Variants in WDR81 observed in about 807,000 individuals in gnomAD.
The protein encoded by WDR81 is WD repeat-containing protein 81.
In WDR81, 92 loss-of-function variants were observed where a neutral mutation model predicts 140.8. That is an observed-to-expected ratio of 0.65 (90% CI 0.55 to 0.78). The LOEUF is 0.78. Ranked by LOEUF, WDR81 falls within the 30% of genes least tolerant of loss-of-function variation. WDR81 has a pLI of 0.00. For synonymous variants in WDR81, 1,183 were observed against 1,156.4 expected (o/e 1.02, Z -0.47); for missense variants, 2,502 against 2,636.4 (o/e 0.95, Z 1.12).
Position 1,734,161 on chromosome 17 carries a change from C to T in WDR81, c.5124C>T (p.Ala1708=), listed in dbSNP as rs775357477. The T allele has an allele frequency of 1.9e-6, 3 of 1,598,232 alleles. No homozygotes were observed. The highest frequency in any genetic ancestry group is 1.7e-6 in the Non-Finnish European group (2 of 1,179,468). ...TCTTCTTCGTGGGCCAGCTTGAGGC[C>T]CCGCAGCACGTGGTGAGCTGTGACG... The part of the protein sequence containing the change: ...KSVFFVGQLE[A]PQHVVSCDGA... The change falls in exon 7 of 10, where the codon GCC becomes GCT. Residue 1708 remains alanine, a synonymous_variant. Transcript: ENST00000409644.
chr17:1,736,301 G>A (rs962365342), intron 9 of WDR81, 83 bp downstream of exon 9: 17 of 1,480,780 alleles, frequency 1.1e-5, no homozygotes, highest in African/African-American at 6.9e-5. Context: ...CTGCCTGCCC[G>A]GGTTCAGGCT....
At chr17:1,724,620 G>A (rs914889594), upstream of WDR81, 6 of 1,004,272 alleles carry the variant, frequency 6.0e-6, no homozygotes, top group Admixed American at 6.0e-5. Context: ...CGGGGAGGCC[G>A]CCGGGCAGGA....
rs1451844473 is a variant in WDR81 at position 1,726,029 on chromosome 17, T to A, written c.1070T>A (p.Ile357Asn). 1 of 1,544,572 alleles carries A rather than the reference T, an allele frequency of 6.5e-7. No homozygotes were observed. The highest frequency in any genetic ancestry group is 8.7e-7 in the Non-Finnish European group (1 of 1,142,996). ...GTGCTAGATTGGGTCCACGGCCGCA[T>A]CAGCAACTTCCACTACCTCATGCAG... is the stretch of plus-strand genomic sequence containing the variant. The part of the protein sequence containing the change: ...SLVLDWVHGR[I>N]SNFHYLMQLN... Residue 357 changes from isoleucine (I) to asparagine (N), a missense_variant, in exon 1 of 10, where the codon ATC becomes AAC. Ile to Asn is a moderately radical substitution (Grantham distance 149). Transcript: ENST00000409644.
At chr17:1,720,716 G>A (rs1382879576), upstream of WDR81, among the ~76,000 whole-genome samples, 1 of 150,178 alleles carries the variant, frequency 6.7e-6, no homozygotes, top group African/African-American at 2.5e-5. Flanking sequence ...AGTGAGCCGA[G>A]ATCGTGCCAC....
intron 4 of WDR81, 54 bp downstream of exon 4, chr17:1,731,312 C>T: frequency 6.4e-7 from 1 of 1,566,102 alleles, no homozygotes; most frequent in Non-Finnish European, 8.7e-7. Flanking sequence ...AGGGGCTGCC[C>T]AGGAGGGGGT....
At chr17:1,729,137 A>T (rs1915512576) in intron 1 of WDR81, among the ~76,000 whole-genome samples, 1 of 152,074 alleles carries the variant, frequency 6.6e-6, no homozygotes, top group Non-Finnish European at 1.5e-5. Context: ...CAAGTGTATT[A>T]TGTTAGTGCG....
rs534508606 is a variant in WDR81, at chr17:1,737,786, G to C, written c.*101G>C. 7 of 1,421,750 alleles carry C rather than the reference G, an allele frequency of 4.9e-6. No individual in the cohort carries two copies. In the East Asian group the frequency reaches 1.5e-4, roughly 30 times the overall value. The allele number at this position is 1,421,750 out of a possible 1,614,324, so 88.1% of individuals were successfully genotyped here. On this transcript the variant is annotated 3_prime_UTR_variant, in exon 10 of 10. Coordinates refer to ENST00000409644, the MANE Select transcript of WDR81 (RefSeq NM_001163809.2). ...AGCAGCTCCCTCCAGGGAGGCCCTG[G>C]GTCCCACGCCCTGGGTGCCCACATG...
intron 7 of WDR81, 27 bp downstream of exon 7, chr17:1,734,243 C>T (rs768728977): frequency 3.3e-6 from 5 of 1,523,508 alleles, no homozygotes; most frequent in South Asian, 2.5e-5. Flanking sequence ...GAGGCCTGTT[C>T]TCTTCCTGCT....
chr17:1,728,493 A>T lies in WDR81; in HGVS notation c.3534A>T (p.Ala1178=). 1 of 1,597,398 alleles carries T rather than the reference A, an allele frequency of 6.3e-7. No homozygotes were observed. Among genetic ancestry groups the T allele is most frequent in the Non-Finnish European group, 8.5e-7 (1 of 1,171,228 alleles). The change falls in exon 1 of 10, where the codon GCA becomes GCT. Residue 1178 remains alanine (A), a synonymous_variant. Coordinates refer to ENST00000409644, the MANE Select transcript of WDR81 (RefSeq NM_001163809.2). ...GGGAGCAGGAGGAGGTCACCGGGGCATCTGAGCTCACTCTGTCTGACACGG... is the reference window on the plus strand; with the variant it reads ...GGGAGCAGGAGGAGGTCACCGGGGCTTCTGAGCTCACTCTGTCTGACACGG... ...EEGEQEEVTG[A]SELTLSDTVL...
At chr17:1,736,785 T>C (rs963074525) in intron 9 of WDR81, among the ~76,000 whole-genome samples, 3 of 152,080 alleles carry the variant, frequency 2.0e-5, no homozygotes, top group African/African-American at 4.8e-5. Context: ...CAGGGCTTCG[T>C]GTGGGAGGAT....
rs1195111840 is a variant in WDR81, at chr17:1,732,752, C to T, written c.4410C>T (p.Pro1470=). The change falls in exon 6 of 10, where the codon CCC becomes CCT. Residue 1470 remains proline (P), a synonymous_variant. Transcript: ENST00000409644. ...ATGGGCAGCAGCGGCCCGTGGACCC[C>T]GCCCTGCTGGACGAGCTGCAGAAGG... ...FSDGQQRPVD[P]ALLDELQKVF... 1.1e-5 allele frequency: 18 copies of T among 1,612,848 alleles called. No homozygotes were observed. Among genetic ancestry groups the T allele is most frequent in the East Asian group, 8.9e-5 (4 of 44,902 alleles).
chr17:1,727,016 C>G lies in WDR81; in HGVS notation c.2057C>G (p.Ser686Cys). ...GDQLGSSSQA[S>C]PGLLSFSVAS... ...CAGCTGGGCTCCTCCAGTCAAGCGT[C>G]CCCTGGACTTCTCTCTTTCTCAGTG... The change falls in exon 1 of 10, where the codon TCC becomes TGC. Residue 686 changes from serine (S) to cysteine (C), a missense_variant. By Grantham distance (112) the Ser-to-Cys change is moderately radical. This residue lies in a region of WDR81 where 1,737 missense variants were observed against 1,843.0 expected (regional missense o/e 0.94). Coordinates refer to ENST00000409644, the MANE Select transcript of WDR81 (RefSeq NM_001163809.2). 1 of 1,550,402 alleles carries G rather than the reference C, an allele frequency of 6.4e-7. No individual in the cohort carries two copies. Among genetic ancestry groups the G allele is most frequent in the Non-Finnish European group, 8.7e-7 (1 of 1,146,982 alleles).
rs1249910572 is a variant in WDR81, at chr17:1,727,450, C to T, written c.2491C>T (p.Pro831Ser). 1 of 1,550,260 alleles carries T rather than the reference C, an allele frequency of 6.5e-7. No individual in the cohort carries two copies. The highest frequency in any genetic ancestry group is 2.0e-5 in the Admixed American group (1 of 50,986). ...GGACACACTCCTGCAGATGAGTGGCCCCGAAGTCCCCATGGGAGCAGAGAG... is the reference window on the plus strand; with the variant it reads ...GGACACACTCCTGCAGATGAGTGGCTCCGAAGTCCCCATGGGAGCAGAGAG... ...VLDTLLQMSG[P>S]EVPMGAERGK... is the part of the protein sequence containing the mutation. The change falls in exon 1 of 10, where the codon CCC (proline) becomes TCC (serine). Residue 831 changes from proline (P) to serine (S), a missense_variant. Transcript: ENST00000409644.
At chr17:1,721,255 A>G (rs1349271504), upstream of WDR81, among the ~76,000 whole-genome samples, 1 of 152,076 alleles carries the variant, frequency 6.6e-6, no homozygotes, top group Non-Finnish European at 1.5e-5. Context: ...GCTACTCGGG[A>G]TGCTGAGGCA....
Position 1,732,984 on chromosome 17 carries a change from C to G in WDR81, c.4489+153C>G, listed in dbSNP as rs566065550. On this transcript the variant is annotated intron_variant, in intron 6 of 9. Coordinates refer to ENST00000409644, the MANE Select transcript of WDR81 (RefSeq NM_001163809.2). ...GGGATTTGGCCTCAGACCCCTACCC[C>G]CAAGGTGACACACAAACAAGGACTG... The G allele has an allele frequency of 3.2e-5, 30 of 934,864 alleles. No homozygotes were observed. The East Asian group carries it at 5.6e-4, about 17-fold the overall frequency. The allele number at this position is 934,864 out of a possible 1,614,324, so 57.9% of individuals were successfully genotyped here.
intron 1 of WDR81, among the ~76,000 whole-genome samples, chr17:1,729,144 T>C (rs1411462509): frequency 6.6e-6 from 1 of 152,158 alleles, no homozygotes; most frequent in Admixed American, 6.5e-5. Flanking sequence ...ATTATGTTAG[T>C]GCGATAAAGA....
intron 1 of WDR81, among the ~76,000 whole-genome samples, chr17:1,729,198 G>A (rs1052709195): frequency 4.0e-5 from 6 of 151,694 alleles, no homozygotes; most frequent in African/African-American, 7.3e-5. Flanking sequence ...GGAGCTTTTC[G>A]GCCGGGCGCC....
In WDR81 at chr17:1,734,069, T is replaced by C. The variant is rs747669419; in HGVS notation, c.5032T>C (p.Tyr1678His). Reference protein sequence around the residue: ...KDRTVRLWPLYNYGDGTSETA... With the variant: ...KDRTVRLWPLHNYGDGTSETA... ...TCGTACCGTGCGCCTCTGGCCGCTGTACAACTACGGCGACGGGACCAGCGA... is the reference window on the plus strand; with the variant it reads ...TCGTACCGTGCGCCTCTGGCCGCTGCACAACTACGGCGACGGGACCAGCGA... The change falls in exon 7 of 10, where the codon TAC becomes CAC. Residue 1678 changes from tyrosine (Y) to histidine (H), a missense_variant. Physicochemically the swap from Tyr to His is moderately conservative, Grantham distance 83. Coordinates refer to ENST00000409644, the MANE Select transcript of WDR81 (RefSeq NM_001163809.2). 3.1e-6 allele frequency: 5 copies of C among 1,606,284 alleles called. No homozygotes were observed. The African/African-American group carries it at 6.7e-5, about 21-fold the overall frequency.
At chr17:1,721,849 C>T (rs993455574), upstream of WDR81, among the ~76,000 whole-genome samples, 5 of 150,086 alleles carry the variant, frequency 3.3e-5, no homozygotes, top group African/African-American at 1.2e-4. Context: ...TCAGGCCGGG[C>T]ACGGTGGCTC....
Sources: allele counts gnomAD v4.1 joint callset (sites outside exome capture counted in the v4.1 genomes callset), GRCh38; gene constraint gnomAD v4.1.1; regional missense constraint gnomAD v4.1.1; transcripts MANE v1.5; gene names NCBI Gene and HGNC (gene_info 2026-07-23, HGNC 2026-07-21).